ZBTB32: variants seen among roughly 807,000 people sequenced by gnomAD.
The protein encoded by ZBTB32 is zinc finger and BTB domain-containing protein 32.
In ZBTB32, 28 loss-of-function variants were observed where a neutral mutation model predicts 45.3. The ratio of observed to expected loss-of-function variants is 0.62; its 90% CI spans 0.46 to 0.85. The LOEUF is 0.85. ZBTB32 is among the 40% of genes least tolerant of loss of function. The probability of loss-of-function intolerance (pLI) is 0.00; values close to 1 mark genes in which losing one functional copy is unlikely to be tolerated. For missense variants in ZBTB32, 587 were observed against 624.4 expected (o/e 0.94, Z 0.64); for synonymous variants, 283 against 255.7 (o/e 1.11, Z -1.02).
Position 35,714,650 on chromosome 19 carries a change from G to A in ZBTB32, c.24G>A (p.Leu8=). The part of the protein sequence containing the change: MSLPPIR[L]PSPYGSDRLV... The stretch of plus-strand genomic sequence containing the variant: ...CAATGTCCCTGCCCCCCATAAGACT[G>A]CCCAGCCCCTATGGCTCTGATCGGC... Residue 8 remains leucine (L), a synonymous_variant, in exon 3 of 7, where the codon CTG becomes CTA. Coordinates refer to ENST00000392197, the MANE Select transcript of ZBTB32 (RefSeq NM_014383.3). The A allele has an allele frequency of 6.4e-7, 1 of 1,570,508 alleles. No homozygotes were observed. Among genetic ancestry groups the A allele is most frequent in the Non-Finnish European group, 8.7e-7 (1 of 1,154,242 alleles).
chr19:35,704,969 G>T (rs1401856605), intron 1 of ZBTB32, among the ~76,000 whole-genome samples: 2 of 152,228 alleles, frequency 1.3e-5, no homozygotes, highest in African/African-American at 4.8e-5. Context: ...TCTGGACTGA[G>T]CCTGGATCCG....
chr19:35,716,202 C>T lies in ZBTB32; in HGVS notation c.1094C>T (p.Ala365Val). ...CCACCTCGCCCGCACCCTCCCCCGGCCCCTCCTGCTCGGTCTCGGCCCTAT... is the reference window on the plus strand; with the variant it reads ...CCACCTCGCCCGCACCCTCCCCCGGTCCCTCCTGCTCGGTCTCGGCCCTAT... The part of the protein sequence containing the change: ...GCPPRPHPPP[A>V]PPARSRPYAC... Residue 365 changes from alanine (A) to valine (V), a missense_variant, in exon 6 of 7, where the codon GCC (alanine) becomes GTC (valine). Coordinates refer to ENST00000392197, the MANE Select transcript of ZBTB32 (RefSeq NM_014383.3). The T allele has an allele frequency of 6.2e-7, 1 of 1,613,898 alleles. No homozygotes were observed. The highest frequency in any genetic ancestry group is 8.5e-7 in the Non-Finnish European group (1 of 1,179,934).
At chr19:35,711,092 A>G (rs181565986) in intron 1 of ZBTB32, among the ~76,000 whole-genome samples, 1 of 152,326 alleles carries the variant, frequency 6.6e-6, no homozygotes, top group East Asian at 1.9e-4. Context: ...TGGCTTACAC[A>G]GAATGCTGCC....
chr19:35,714,619 A>C lies in ZBTB32; in HGVS notation c.-8A>C. ...AGCCTCTGAGTTAGGTACCCAAGCC[A>C]AGGCACAATGTCCCTGCCCCCCATA... is the stretch of plus-strand genomic sequence containing the variant. On this transcript the variant is annotated 5_prime_UTR_variant, in exon 3 of 7. Transcript: ENST00000392197. The C allele has an allele frequency of 6.6e-7, 1 of 1,514,756 alleles. No homozygotes were observed. Among genetic ancestry groups the C allele is most frequent in the Non-Finnish European group, 8.9e-7 (1 of 1,126,918 alleles). 93.8% of individuals were successfully genotyped at this position (1,514,756 alleles called of 1,614,324 possible). A position where few individuals can be genotyped will look rare whatever the true frequency, so the allele number is the denominator to read the frequency against.
chr19:35,712,258 T>TC (rs1430476660), intron 1 of ZBTB32, among the ~76,000 whole-genome samples: 1 of 152,060 alleles, frequency 6.6e-6, no homozygotes, highest in African/African-American at 2.4e-5. Context: ...GCCCAAGAGT[T>TC]CAAGACCAGC....
chr19:35,714,913 C>T lies in ZBTB32; in HGVS notation c.287C>T (p.Ala96Val), dbSNP rs745401133. ...QPGELRPLQE[A>V]ARALGVQSLE... is the part of the protein sequence containing the mutation. ...GGAGAGCTAAGGCCCCTTCAGGAGG[C>T]GGCCAGGGCCTTGGGAGTGCAGTCC... The change falls in exon 3 of 7, where the codon GCG becomes GTG. Residue 96 changes from alanine (A) to valine (V), a missense_variant. Ala to Val is a moderately conservative substitution (Grantham distance 64). Transcript: ENST00000392197. 4.7e-5 allele frequency: 75 copies of T among 1,581,464 alleles called. No individual in the cohort carries two copies. The highest frequency in any genetic ancestry group is 1.0e-4 in the South Asian group (9 of 86,616).
rs768142985 is a variant in ZBTB32 at position 35,715,370 on chromosome 19, G to A, written c.744G>A (p.Ser248=). 5.0e-6 allele frequency: 8 copies of A among 1,611,774 alleles called. No individual in the cohort carries two copies. The highest frequency in any genetic ancestry group is 2.7e-5 in the African/African-American group (2 of 74,794). Residue 248 remains serine, a synonymous_variant, in exon 3 of 7, where the codon TCG becomes TCA. Coordinates refer to ENST00000392197, the MANE Select transcript of ZBTB32 (RefSeq NM_014383.3). ...AAACCAGCGTCACCCCTAGGCCCTC[G>A]TGGGCTGAGGCCCCTTGGTTGGTGG... The part of the protein sequence containing the change: ...SLQTSVTPRP[S]WAEAPWLVGG...
intron 1 of ZBTB32, among the ~76,000 whole-genome samples, chr19:35,706,976 C>G (rs1261928481): frequency 6.6e-6 from 1 of 151,986 alleles, no homozygotes. Context: ...TTGGCCATTC[C>G]CTCTATGGTG....
chr19:35,711,439 C>T (rs545548256), intron 1 of ZBTB32, among the ~76,000 whole-genome samples: 2 of 152,236 alleles, frequency 1.3e-5, no homozygotes, highest in East Asian at 1.9e-4. Context: ...AAATAGTTAA[C>T]GTTCAGAGTA....
chr19:35,714,495 C>T (rs1375897840), intron 2 of ZBTB32, 28 bp from the exon 3 acceptor site: 1 of 1,051,594 alleles, frequency 9.5e-7, no homozygotes, highest in South Asian at 2.3e-5. Context: ...GGACCAGCAA[C>T]TCACACCCTC....
chr19:35,716,396 C>T (rs2146421872), intron 6 of ZBTB32, 82 bp from the exon 7 acceptor site: 1 of 1,587,210 alleles, frequency 6.3e-7, no homozygotes, highest in South Asian at 1.1e-5. Flanking sequence ...CCCCTAGCCC[C>T]GTGGCCCGAT....
At chr19:35,705,577 G>C (rs185979341) in intron 1 of ZBTB32, among the ~76,000 whole-genome samples, 1 of 152,100 alleles carries the variant, frequency 6.6e-6, no homozygotes, top group African/African-American at 2.4e-5. Flanking sequence ...AGCTGTTTGC[G>C]CTGGATGAAG....
chr19:35,714,703 C>T lies in ZBTB32; in HGVS notation c.77C>T (p.Pro26Leu), dbSNP rs1460721012. The T allele has an allele frequency of 6.2e-7, 1 of 1,613,160 alleles. No homozygotes were observed. Among genetic ancestry groups the T allele is most frequent in the Non-Finnish European group, 8.5e-7 (1 of 1,179,660 alleles). ...RLVQLAARLR[P>L]ALCDTLITVG... The stretch of plus-strand genomic sequence containing the variant: ...GTACAGCTAGCAGCCAGGCTCCGGC[C>T]AGCACTCTGTGATACTCTGATCACC... Residue 26 changes from proline (P) to leucine (L), a missense_variant, in exon 3 of 7, where the codon CCA becomes CTA. Coordinates refer to ENST00000392197, the MANE Select transcript of ZBTB32 (RefSeq NM_014383.3).
At chr19:35,715,531 T>A (rs577878071) in intron 3 of ZBTB32, 24 bp downstream of exon 3, 1 of 1,517,072 alleles carries the variant, frequency 6.6e-7, no homozygotes, top group Non-Finnish European at 8.8e-7. Context: ...TCTAGTGCTC[T>A]GCCTCCAGGC....
Position 35,714,835 on chromosome 19 carries a change from C to T in ZBTB32, c.209C>T (p.Thr70Ile). 6.2e-7 allele frequency: 1 copy of T among 1,612,954 alleles called. No individual in the cohort carries two copies. Among genetic ancestry groups the T allele is most frequent in the East Asian group, 2.2e-5 (1 of 44,880 alleles). ...WALGEGISPS[T>I]FAQLLNFVYG... The stretch of plus-strand genomic sequence containing the variant: ...CTGGGAGAAGGCATCAGCCCTTCTA[C>T]CTTTGCCCAGCTCCTGAACTTTGTG... The change falls in exon 3 of 7, where the codon ACC becomes ATC. Residue 70 changes from threonine (T) to isoleucine (I), a missense_variant. Thr to Ile is a moderately conservative substitution (Grantham distance 89). Transcript: ENST00000392197.
At position 35,715,977 on chromosome 19, in the gene ZBTB32, G is replaced by A. The variant is rs769674682; in HGVS notation, c.994G>A (p.Glu332Lys). The change falls in exon 5 of 7, where the codon GAG becomes AAG. Residue 332 changes from glutamate to lysine, a missense_variant. Physicochemically the swap from Glu to Lys is moderately conservative, Grantham distance 56 (BLOSUM62 1). Transcript: ENST00000392197. The stretch of plus-strand genomic sequence containing the variant: ...GGGCCCCGCACAGCTCAGCCCTGGG[G>A]AGATGGAAGAGTCTGATCAGGGGCA... ...PQGPAQLSPG[E>K]MEESDQGHTG... The A allele has an allele frequency of 7.4e-6, 12 of 1,613,126 alleles. No homozygotes were observed. Among genetic ancestry groups the A allele is most frequent in the Non-Finnish European group, 1.0e-5 (12 of 1,179,958 alleles).
chr19:35,716,653 C>T lies in ZBTB32; in HGVS notation c.1365C>T (p.Leu455=). 1 of 1,613,900 alleles carries T rather than the reference C, an allele frequency of 6.2e-7. No individual in the cohort carries two copies. The highest frequency in any genetic ancestry group is 2.2e-5 in the East Asian group (1 of 44,858). Residue 455 remains leucine (L), a synonymous_variant, in exon 7 of 7, where the codon CTC becomes CTT. Transcript: ENST00000392197. ...AHMRGHSPSQ[L]PPGWTIRSTF... is the part of the protein sequence containing the mutation. ...TGCGCGGTCACTCGCCCAGCCAACT[C>T]CCGCCCGGATGGACCATCCGCTCCA...
At chr19:35,704,647 T>C (rs1968494655) in intron 1 of ZBTB32, 24 bp downstream of exon 1, 1 of 152,366 alleles carries the variant, frequency 6.6e-6, no homozygotes, top group African/African-American at 2.4e-5. Flanking sequence ...TTTTTCTTAC[T>C]TTACTTTCTT....
At chr19:35,707,603 T>C (rs1968579497) in intron 1 of ZBTB32, among the ~76,000 whole-genome samples, 1 of 151,942 alleles carries the variant, frequency 6.6e-6, no homozygotes, top group African/African-American at 2.4e-5. Flanking sequence ...CTCTTCACCT[T>C]GTGATCCGCC....
Sources: gnomAD v4.1 joint callset for allele counts (sites outside exome capture counted in the v4.1 genomes callset) on GRCh38, gnomAD v4.1.1 for gene constraint, MANE v1.5 for transcripts, NCBI Gene and HGNC (gene_info 2026-07-23, HGNC 2026-07-21) for gene names.